Variants in ZPBP observed in about 807,000 individuals in gnomAD.
The protein encoded by ZPBP is zona pellucida binding protein, also known as zona pellucida-binding protein 1.
In ZPBP, 26 loss-of-function variants were observed where a neutral mutation model predicts 44.8. The observed-to-expected ratio is 0.58, with a 90% confidence interval of 0.43 to 0.81. ZPBP has a LOEUF of 0.81. ZPBP is among the 30% of genes least tolerant of loss of function. ZPBP has a pLI of 0.00. For synonymous variants in ZPBP, 174 were observed against 153.2 expected, an observed-to-expected ratio of 1.14 and a Z score of -1.00; for missense variants, 409 against 434.0, an observed-to-expected ratio of 0.94 and a Z score of 0.51.
intron 1 of ZPBP, among the ~76,000 whole-genome samples, chr7:49,924,200 C>A (rs983823655): frequency 6.6e-6 from 1 of 151,482 alleles, no homozygotes; most frequent in African/African-American, 2.4e-5. Flanking sequence ...AGTACTAGAT[C>A]TTGATAAGGC....
rs985583162 is a variant in ZPBP at position 50,089,526 on chromosome 7, G to C, written c.208+103C>G. 6 of 870,394 alleles carry C rather than the reference G, an allele frequency of 6.9e-6. No homozygotes were observed. In the African/African-American group the frequency reaches 1.0e-4, roughly 15 times the overall value. The allele number at this position is 870,394 out of a possible 1,614,324, so 53.9% of individuals were successfully genotyped here. A position where few individuals can be genotyped will look rare whatever the true frequency, so the allele number is the denominator to read the frequency against. The stretch of plus-strand genomic sequence containing the variant: ...TTCTGTAGAAAGAAAAGGGCCTTAG[G>C]AGACTAGGATAAATGAAGAGCATTA... On this transcript the variant is annotated intron_variant, in intron 2 of 7. Transcript: ENST00000046087.
At chr7:49,953,635 A>T (rs560404643) in intron 7 of ZPBP, among the ~76,000 whole-genome samples, 1 of 152,240 alleles carries the variant, frequency 6.6e-6, no homozygotes, top group African/African-American at 2.4e-5. Context: ...GGAACATCAA[A>T]ATATCCAGCA....
chr7:49,900,002 A>C (rs886617065), intron 2 of ZPBP, among the ~76,000 whole-genome samples: 1 of 151,904 alleles, frequency 6.6e-6, no homozygotes, highest in African/African-American at 2.4e-5. Flanking sequence ...TAAATTAGAT[A>C]TCAGTAATAG....
At chr7:49,944,291 TTGTA>T (rs762058107) in intron 7 of ZPBP, 11 of 304,660 alleles carry the variant, frequency 3.6e-5, no homozygotes, top group Admixed American at 3.0e-4. Context: ...ACAGCTGTTC[TTGTA>T]TTTCTTTTGC....
At chr7:50,037,073 A>T (rs1799860877) in intron 4 of ZPBP, among the ~76,000 whole-genome samples, 1 of 152,120 alleles carries the variant, frequency 6.6e-6, no homozygotes, top group South Asian at 2.1e-4. Flanking sequence ...AGTTGGATTA[A>T]AACTATTTCT....
intron 2 of ZPBP, among the ~76,000 whole-genome samples, chr7:49,888,898 C>T (rs778680069): frequency 2.6e-5 from 4 of 151,556 alleles, no homozygotes; most frequent in South Asian, 2.1e-4. Flanking sequence ...GGGACAAGAG[C>T]GAGACTTCAT....
At chr7:50,092,967 C>A in intron 1 of ZPBP, 101 bp downstream of exon 1, 1 of 1,465,920 alleles carries the variant, frequency 6.8e-7, no homozygotes, top group Non-Finnish European at 9.1e-7. Context: ...CAAGGTGTCT[C>A]TATATAAAAC....
Position 50,018,182 on chromosome 7 carries a change from C to T in ZPBP, c.783+58G>A, listed in dbSNP as rs571347934. On this transcript the variant is annotated intron_variant, in intron 6 of 7. Transcript: ENST00000046087. Reference sequence around the variant, plus strand: ...TATAAATAGCTAGGATGCTTACTTACACATGGGGCATGTTCATTTAACTTT... The same window carrying T: ...TATAAATAGCTAGGATGCTTACTTATACATGGGGCATGTTCATTTAACTTT... 4.7e-5 allele frequency: 59 copies of T among 1,262,878 alleles called. 1 individual carries two copies. The highest frequency in any genetic ancestry group is 2.9e-4 in the South Asian group (24 of 83,732). 78.2% of individuals were successfully genotyped at this position (1,262,878 alleles called of 1,614,324 possible). A position where few individuals can be genotyped will look rare whatever the true frequency, so the allele number is the denominator to read the frequency against.
chr7:50,019,244 C>T (rs1161489781), intron 5 of ZPBP, among the ~76,000 whole-genome samples: 2 of 152,018 alleles, frequency 1.3e-5, no homozygotes, highest in African/African-American at 4.8e-5. Flanking sequence ...TTTTGTTTTT[C>T]CCATAACTCT....
At chr7:50,006,484 T>C (rs1040882203) in intron 6 of ZPBP, among the ~76,000 whole-genome samples, 2 of 152,032 alleles carry the variant, frequency 1.3e-5, no homozygotes, top group Admixed American at 6.6e-5. Flanking sequence ...TCCACATCTA[T>C]TGATTAAACA....
At chr7:49,897,053 G>A (rs960353560) in intron 2 of ZPBP, among the ~76,000 whole-genome samples, 21 of 151,872 alleles carry the variant, frequency 1.4e-4, no homozygotes, top group Non-Finnish European at 2.8e-4. Flanking sequence ...CCGCCACCTC[G>A]CCCGGCTAAT....
chr7:49,874,696 T>A (rs1277625304), intron 2 of ZPBP, among the ~76,000 whole-genome samples: 1 of 152,196 alleles, frequency 6.6e-6, no homozygotes, highest in Non-Finnish European at 1.5e-5. Flanking sequence ...AACCTTTACT[T>A]ATAAAATTAT....
intron 2 of ZPBP, among the ~76,000 whole-genome samples, chr7:49,900,326 A>C (rs1191749792): frequency 6.6e-6 from 1 of 151,770 alleles, no homozygotes; most frequent in Non-Finnish European, 1.5e-5. Context: ...TGGAGCAGTA[A>C]TCTATTAATT....
intron 7 of ZPBP, among the ~76,000 whole-genome samples, chr7:49,955,253 A>G (rs542246549): frequency 1.3e-5 from 2 of 152,246 alleles, no homozygotes; most frequent in Admixed American, 1.3e-4. Context: ...GTTCTATACT[A>G]CTCTCATAAG....
chr7:50,029,731 T>C (rs986560866), intron 5 of ZPBP, among the ~76,000 whole-genome samples: 1 of 152,206 alleles, frequency 6.6e-6, no homozygotes, highest in Non-Finnish European at 1.5e-5. Flanking sequence ...CTCAACAACA[T>C]TTGCCTTTGG....
intron 1 of ZPBP, chr7:49,915,044 T>C (rs189147711): frequency 6.6e-6 from 1 of 152,338 alleles, no homozygotes; most frequent in African/African-American, 2.4e-5. Flanking sequence ...AAGCTACTTA[T>C]GTAAGCAATA....
intron 4 of ZPBP, among the ~76,000 whole-genome samples, chr7:50,052,578 G>C (rs1455432951): frequency 2.0e-5 from 3 of 152,028 alleles, no homozygotes. Flanking sequence ...ACTATCATAT[G>C]ATCAACCAAC....
intron 7 of ZPBP, among the ~76,000 whole-genome samples, chr7:49,947,791 T>G (rs1466526044): frequency 1.3e-5 from 2 of 152,206 alleles, no homozygotes; most frequent in African/African-American, 4.8e-5. Context: ...TATCCTTCAC[T>G]TCCTGTTGGT....
chr7:49,859,788 GTGCACACACACACACACACACA>G (rs1790575771), intron 2 of ZPBP, among the ~76,000 whole-genome samples: 2 of 148,404 alleles, frequency 1.3e-5, no homozygotes, highest in African/African-American at 5.0e-5. Flanking sequence ...GTGCGCGTGC[GTGCACACACACACACACACACA>G]CACACACACA....
Sources: allele counts gnomAD v4.1 joint callset (sites outside exome capture counted in the v4.1 genomes callset), GRCh38; gene constraint gnomAD v4.1.1; transcripts MANE v1.5; gene names NCBI Gene and HGNC (gene_info 2026-07-23, HGNC 2026-07-21).